The following CHRM3 variants were observed in gnomAD, a reference collection of about 807,000 sequenced individuals.
The protein encoded by CHRM3 is muscarinic acetylcholine receptor M3.
Under a neutral mutation model 41.8 loss-of-function variants are expected in CHRM3, and 11 were observed. The ratio of observed to expected loss-of-function variants is 0.26; its 90% CI spans 0.17 to 0.44. The LOEUF is 0.44. CHRM3 is among the 20% of genes least tolerant of loss of function. CHRM3 has a pLI of 1.00. For synonymous variants in CHRM3, 297 were observed against 301.4 expected, an observed-to-expected ratio of 0.99 and a Z score of 0.15; for missense variants, 571 against 745.4, an observed-to-expected ratio of 0.77 and a Z score of 2.72.
At chr1:239,854,931 G>A (rs12048449) in intron 6 of CHRM3, among the ~76,000 whole-genome samples, 1 of 152,124 alleles carries the variant, frequency 6.6e-6, no homozygotes, top group African/African-American at 2.4e-5. Flanking sequence ...AAGAGTAAAA[G>A]CCATTTCCTA....
At chr1:239,394,529 A>G (rs1437502402) in intron 1 of CHRM3, among the ~76,000 whole-genome samples, 2 of 152,204 alleles carry the variant, frequency 1.3e-5, no homozygotes, top group Non-Finnish European at 1.5e-5. Flanking sequence ...CCTGGGGATT[A>G]GGAGGTGGGC....
rs897432845 is a variant in CHRM3 at position 239,910,586 on chromosome 1, A to G, written c.*1362A>G. Reference sequence around the variant, plus strand: ...AAATTGATTTCCTTACCTTTTGGGAAAAAAAAAAAATTGTTTTTTTGCATT... The same window carrying G: ...AAATTGATTTCCTTACCTTTTGGGAGAAAAAAAAAATTGTTTTTTTGCATT... On this transcript the variant is annotated 3_prime_UTR_variant, in exon 7 of 7. Transcript: ENST00000676153. 28 of 143,258 alleles carry G rather than the reference A, an allele frequency of 2.0e-4. No homozygotes were observed. The highest frequency in any genetic ancestry group is 1.1e-3 in the African/African-American group (27 of 24,872). The allele number at this position is 143,258 out of a possible 1,614,324, so 8.9% of individuals were successfully genotyped here.
rs1310151350 is a variant in CHRM3 at position 239,636,205 on chromosome 1, A to G, written c.-250+3919A>G. 2.0e-5 allele frequency among the ~76,000 whole-genome samples: 3 copies of G among 152,246 alleles called. No individual in the cohort carries two copies. The East Asian group carries it at 5.8e-4, about 29-fold the overall frequency. ...TTGAATGAAGGCCCGAAAGAATGAA[A>G]TAATAAATTATTGAACTGCAAAGAG... On this transcript the variant is annotated intron_variant, in intron 4 of 6. Transcript: ENST00000676153.
chr1:239,904,058 C>T (rs1679781081), intron 6 of CHRM3, among the ~76,000 whole-genome samples: 2 of 152,134 alleles, frequency 1.3e-5, no homozygotes, highest in African/African-American at 4.8e-5. Flanking sequence ...TTGGGCATTA[C>T]ATTATTTATA....
chr1:239,656,727 C>A (rs1672754890), intron 4 of CHRM3, among the ~76,000 whole-genome samples: 1 of 152,040 alleles, frequency 6.6e-6, no homozygotes, highest in Admixed American at 6.6e-5. Flanking sequence ...TTTTTACATT[C>A]TTGGTAATGA....
intron 4 of CHRM3, among the ~76,000 whole-genome samples, chr1:239,659,656 T>TA (rs1238075801): frequency 6.6e-6 from 1 of 152,220 alleles, no homozygotes; most frequent in African/African-American, 2.4e-5. Context: ...GGCAAGTGCC[T>TA]ACCATAATGG....
At chr1:239,881,239 C>CGG (rs1156614347) in intron 6 of CHRM3, among the ~76,000 whole-genome samples, 1 of 135,680 alleles carries the variant, frequency 7.4e-6, no homozygotes, top group East Asian at 2.2e-4. Context: ...GCCGAGATCC[C>CGG]GCCCCTGCAC....
intron 5 of CHRM3, among the ~76,000 whole-genome samples, chr1:239,739,897 T>C (rs1336460116): frequency 6.6e-6 from 1 of 152,192 alleles, no homozygotes; most frequent in Non-Finnish European, 1.5e-5. Flanking sequence ...TTTGTCCTAG[T>C]GCTTAAGACA....
chr1:239,466,387 CAGTATAT>C (rs1451914296), intron 1 of CHRM3, among the ~76,000 whole-genome samples: 5 of 151,930 alleles, frequency 3.3e-5, no homozygotes, highest in Non-Finnish European at 7.4e-5. Flanking sequence ...TGTAAGAATA[CAGTATAT>C]AGTACATATA....
chr1:239,392,415 GCTT>G, intron 1 of CHRM3, among the ~76,000 whole-genome samples: 1 of 152,296 alleles, frequency 6.6e-6, no homozygotes, highest in Non-Finnish European at 1.5e-5. Flanking sequence ...GTCCTAGCCT[GCTT>G]CCTGTCCCCA....
At chr1:239,766,459 AC>A (rs147143805) in intron 5 of CHRM3, among the ~76,000 whole-genome samples, 10,895 of 152,180 alleles carry the variant, frequency 0.072, 1,342 homozygotes, top group African/African-American at 0.25. Context: ...AATAATCTAT[AC>A]AACAAACCCC....
intron 2 of CHRM3, among the ~76,000 whole-genome samples, chr1:239,507,326 C>T (rs551707598): frequency 3.9e-5 from 6 of 152,166 alleles, no homozygotes; most frequent in South Asian, 4.2e-4. Flanking sequence ...ATGCTGTTCT[C>T]GTGATAGTGA....
chr1:239,738,017 C>CAAA (rs1332706744), intron 5 of CHRM3, among the ~76,000 whole-genome samples: 1 of 151,880 alleles, frequency 6.6e-6, no homozygotes, highest in Non-Finnish European at 1.5e-5. Flanking sequence ...ACAACAACAA[C>CAAA]AAAAAACTGA....
intron 1 of CHRM3, among the ~76,000 whole-genome samples, chr1:239,393,930 A>G (rs1461933367): frequency 6.6e-6 from 1 of 152,202 alleles, no homozygotes; most frequent in Non-Finnish European, 1.5e-5. Flanking sequence ...TCTACCTATC[A>G]ATTATCTATC....
chr1:239,725,937 T>TA (rs1663397081), intron 5 of CHRM3, among the ~76,000 whole-genome samples: 1 of 151,962 alleles, frequency 6.6e-6, no homozygotes, highest in Non-Finnish European at 1.5e-5. Context: ...AACACCAGTG[T>TA]AAATGTCTTT....
chr1:239,851,290 T>A (rs1674676375), intron 6 of CHRM3, among the ~76,000 whole-genome samples: 1 of 152,222 alleles, frequency 6.6e-6, no homozygotes, highest in Non-Finnish European at 1.5e-5. Flanking sequence ...TTATTTGAAC[T>A]AGAATTTCCA....
chr1:239,691,101 G>C (rs1057082057), intron 5 of CHRM3, among the ~76,000 whole-genome samples: 1 of 152,092 alleles, frequency 6.6e-6, no homozygotes, highest in African/African-American at 2.4e-5. Flanking sequence ...CATGAGCTGA[G>C]CTCTTCCTGC....
In CHRM3 at chr1:239,733,782, A is replaced by T. The variant is rs181765743; in HGVS notation, c.-147+55494A>T. On this transcript the variant is annotated intron_variant, in intron 5 of 6. Transcript: ENST00000676153. ...TTTCTTATGTGGGGAAAAGAAAAAG[A>T]AAAGGAAGTAACCACTTATTAAGCA... is the stretch of plus-strand genomic sequence containing the variant. Among the ~76,000 whole-genome samples the T allele has an allele frequency of 3.9e-5, 6 of 152,192 alleles. No individual in the cohort carries two copies. The East Asian group carries it at 1.2e-3, about 30-fold the overall frequency.
chr1:239,813,731 C>A (rs596636), intron 5 of CHRM3, among the ~76,000 whole-genome samples: 117,726 of 120,238 alleles, frequency 0.98, 57,731 homozygotes, highest in Non-Finnish European at 1. Context: ...TCCTGGCTAA[C>A]ACGGTGAAAC....
Sources: gnomAD v4.1 joint callset for allele counts (sites outside exome capture counted in the v4.1 genomes callset) on GRCh38, gnomAD v4.1.1 for gene constraint, MANE v1.5 for transcripts, NCBI Gene and HGNC (gene_info 2026-07-23, HGNC 2026-07-21) for gene names.